The following SHCBP1 variants were observed in gnomAD, a reference collection of about 807,000 sequenced individuals.
SHCBP1 encodes SHC SH2 domain-binding protein 1.
A neutral mutation model predicts 75.1 loss-of-function variants in SHCBP1; 60 were observed. That is an observed-to-expected ratio of 0.80 (90% CI 0.65 to 0.99). SHCBP1 has a LOEUF of 0.99. Among genes scored for constraint, SHCBP1 ranks in the 50% least tolerant of loss-of-function variants. The pLI is 0.00. For synonymous variants in SHCBP1, 290 were observed against 293.2 expected (o/e 0.99, Z 0.11); for missense variants, 709 against 809.4 (o/e 0.88, Z 1.50).
At chr16:46,604,488 C>T in intron 5 of SHCBP1, 27 bp from the exon 6 acceptor site, 5 of 1,520,226 alleles carry the variant, frequency 3.3e-6, no homozygotes, top group Non-Finnish European at 4.6e-6. Flanking sequence ...AAAGTGAAAT[C>T]CACTGCCTTT....
At chr16:46,585,332 A>C (rs1208772451) in intron 10 of SHCBP1, among the ~76,000 whole-genome samples, 1 of 152,130 alleles carries the variant, frequency 6.6e-6, no homozygotes, top group Non-Finnish European at 1.5e-5. Flanking sequence ...AGGTACGACC[A>C]AAAACCATGG....
rs147585883 is a variant in SHCBP1 at position 46,603,635 on chromosome 16, T to G, written c.1117A>C (p.Ile373Leu). ...GTGTCACCTTCGAAGCAGGCATTTA[T>G]AGCAGACAATGGATCACTATGGAAC... ...IQFHSDPLSA[I>L]NACFEGDTVI... is the part of the protein sequence containing the mutation. The change falls in exon 8 of 13, where the codon ATA (isoleucine) becomes CTA (leucine). Residue 373 changes from isoleucine (I) to leucine (L), a missense_variant. Physicochemically the swap from Ile to Leu is conservative, Grantham distance 5. Transcript: ENST00000303383. 1.3e-5 allele frequency: 21 copies of G among 1,614,082 alleles called. No individual in the cohort carries two copies. Among genetic ancestry groups the G allele is most frequent in the Non-Finnish European group, 1.7e-5 (20 of 1,180,044 alleles).
chr16:46,600,772 G>A (rs1234085934), intron 8 of SHCBP1, among the ~76,000 whole-genome samples: 1 of 152,234 alleles, frequency 6.6e-6, no homozygotes, highest in Non-Finnish European at 1.5e-5. Context: ...CAGCACTTTG[G>A]GAGGCTGAGG....
At chr16:46,617,095 G>T (rs1965510655) in intron 3 of SHCBP1, among the ~76,000 whole-genome samples, 1 of 152,222 alleles carries the variant, frequency 6.6e-6, no homozygotes. Flanking sequence ...AAAAGGCCTA[G>T]TGAGAAGAAG....
chr16:46,616,097 G>A lies in SHCBP1; in HGVS notation c.445C>T (p.Leu149Phe), dbSNP rs763862767. The A allele has an allele frequency of 5.0e-6, 8 of 1,614,136 alleles. No homozygotes were observed. Among genetic ancestry groups the A allele is most frequent in the Non-Finnish European group, 5.9e-6 (7 of 1,180,030 alleles). Reference sequence around the variant, plus strand: ...AAAGTGCTCACTTGAGAGTCACAGAGGTATGGTTCAGCAAGCCTCACCACT... The same window carrying A: ...AAAGTGCTCACTTGAGAGTCACAGAAGTATGGTTCAGCAAGCCTCACCACT... ...KAVVRLAEPY[L>F]CDSQVSTFTM... Residue 149 changes from leucine to phenylalanine, a missense_variant, in exon 4 of 13, where the codon CTC (leucine) becomes TTC (phenylalanine). Transcript: ENST00000303383. This position sits in a 1 kb window ranked among gnomAD's most constrained non-coding sequence, Gnocchi z 4.4.
chr16:46,620,988 C>G, intron 1 of SHCBP1: 1 of 402,950 alleles, frequency 2.5e-6, no homozygotes. Context: ...AATTCCTGGC[C>G]CAATCCAGCT....
chr16:46,612,613 T>C (rs1335506983), intron 4 of SHCBP1, among the ~76,000 whole-genome samples: 1 of 152,216 alleles, frequency 6.6e-6, no homozygotes, highest in Non-Finnish European at 1.5e-5. Context: ...ATTGCGCCTC[T>C]CCTGCCTCAG....
chr16:46,615,357 G>A (rs1157987105), intron 4 of SHCBP1, among the ~76,000 whole-genome samples: 3 of 152,046 alleles, frequency 2.0e-5, no homozygotes, highest in Non-Finnish European at 2.9e-5. Flanking sequence ...GGGGAGATAG[G>A]CACCCCTAAC....
chr16:46,608,196 A>AGTG, intron 5 of SHCBP1, 101 bp downstream of exon 5: 1 of 686,520 alleles, frequency 1.5e-6, no homozygotes, highest in Non-Finnish European at 2.6e-6. Flanking sequence ...TGAGTGAGTG[A>AGTG]GTGTGGGTGT....
chr16:46,583,718 ATCT>A, intron 11 of SHCBP1, 61 bp from the exon 12 acceptor site: 2 of 1,551,544 alleles, frequency 1.3e-6, no homozygotes, highest in South Asian at 1.2e-5. Flanking sequence ...TGCCTTAAAA[ATCT>A]TCTTTATTCA....
At position 46,581,822 on chromosome 16, in the gene SHCBP1, A is replaced by T; in HGVS notation, c.1926T>A (p.Asp642Glu). The T allele has an allele frequency of 6.2e-7, 1 of 1,614,184 alleles. No individual in the cohort carries two copies. The highest frequency in any genetic ancestry group is 8.5e-7 in the Non-Finnish European group (1 of 1,180,034). Residue 642 changes from aspartate to glutamate, a missense_variant, in exon 13 of 13, where the codon GAT becomes GAA. Coordinates refer to ENST00000303383, the MANE Select transcript of SHCBP1 (RefSeq NM_024745.5). ...ACATCTCCTGTGACATTAAGTTGTC[A>T]TCAGCTTGCGTGATCCCCAGTTCAC... ...RLSELGITQADDNLMSQEMFV... is the reference protein window; with the variant it reads ...RLSELGITQAEDNLMSQEMFV...
At position 46,583,595 on chromosome 16, in the gene SHCBP1, A is replaced by G; in HGVS notation, c.1614T>C (p.Asn538=). The change falls in exon 12 of 13, where the codon AAT becomes AAC. Residue 538 remains asparagine, a synonymous_variant. Coordinates refer to ENST00000303383, the MANE Select transcript of SHCBP1 (RefSeq NM_024745.5). The part of the protein sequence containing the change: ...KISMVNNIIH[N]NEGYGVVLVK... ...CCAAGACAACACCATAACCTTCATT[A>G]TTATGTATTATATTATTCACCATGG... The G allele has an allele frequency of 6.2e-7, 1 of 1,611,010 alleles. No homozygotes were observed. Among genetic ancestry groups the G allele is most frequent in the Non-Finnish European group, 8.5e-7 (1 of 1,179,082 alleles).
intron 9 of SHCBP1, among the ~76,000 whole-genome samples, chr16:46,599,240 G>A (rs951497240): frequency 4.6e-5 from 7 of 152,014 alleles, no homozygotes; most frequent in Non-Finnish European, 8.8e-5. Context: ...CTCAGCTTTC[G>A]ACATGCCTTC....
chr16:46,608,210 T>G (rs928268592), intron 5 of SHCBP1, 87 bp downstream of exon 5: 2 of 766,664 alleles, frequency 2.6e-6, no homozygotes, highest in Non-Finnish European at 4.5e-6. Flanking sequence ...TGGGTGTGTG[T>G]GTGTGTGTGT....
intron 12 of SHCBP1, among the ~76,000 whole-genome samples, chr16:46,582,362 T>C (rs1362152878): frequency 6.6e-6 from 1 of 152,248 alleles, no homozygotes; most frequent in Non-Finnish European, 1.5e-5. Context: ...TAATTCTAGA[T>C]AGGCCCCATG....
At chr16:46,608,124 C>A (rs924720369) in intron 5 of SHCBP1, among the ~76,000 whole-genome samples, 173 bp downstream of exon 5, 1 of 152,020 alleles carries the variant, frequency 6.6e-6, no homozygotes, top group Non-Finnish European at 1.5e-5. Context: ...AGGGGTGGTA[C>A]AATTTGTACA....
intron 10 of SHCBP1, among the ~76,000 whole-genome samples, chr16:46,589,091 T>C (rs1266359580): frequency 6.6e-6 from 1 of 152,208 alleles, no homozygotes; most frequent in Non-Finnish European, 1.5e-5. Context: ...TCTCAATAGA[T>C]GCAGAAAAGG....
intron 10 of SHCBP1, among the ~76,000 whole-genome samples, chr16:46,588,369 A>G (rs1352400975): frequency 2.0e-5 from 3 of 152,174 alleles, no homozygotes; most frequent in African/African-American, 4.8e-5. Context: ...CAAAAAATCA[A>G]TGAATCCAGG....
At chr16:46,617,301 A>C (rs749361045) in intron 3 of SHCBP1, among the ~76,000 whole-genome samples, 2 of 152,156 alleles carry the variant, frequency 1.3e-5, no homozygotes, top group Non-Finnish European at 2.9e-5. Context: ...AAATAAATAA[A>C]AATGCCTCTT....
Sources: allele counts gnomAD v4.1 joint callset (sites outside exome capture counted in the v4.1 genomes callset), GRCh38; gene constraint gnomAD v4.1.1; non-coding constraint Gnocchi (gnomAD v3.1); transcripts MANE v1.5; gene names NCBI Gene and HGNC (gene_info 2026-07-23, HGNC 2026-07-21).